The following CHMP3 variants were observed in gnomAD, a reference collection of about 807,000 sequenced individuals.
CHMP3 encodes 25.1 protein.
A neutral mutation model predicts 27.4 loss-of-function variants in CHMP3; 8 were observed. The ratio of observed to expected loss-of-function variants is 0.29; its 90% confidence interval spans 0.17 to 0.53. The LOEUF (loss-of-function observed/expected upper bound fraction) is 0.53. CHMP3 is among the 20% of genes least tolerant of loss of function. The probability of loss-of-function intolerance (pLI) is 0.96; values close to 1 mark genes in which losing one functional copy is unlikely to be tolerated. For synonymous variants in CHMP3, 86 were observed against 85.5 expected (o/e 1.01, Z -0.03); for missense variants, 208 against 271.5 (o/e 0.77, Z 1.64).
chr2:86,508,484 G>A (rs540702965), intron 4 of CHMP3, among the ~76,000 whole-genome samples: 2 of 152,304 alleles, frequency 1.3e-5, no homozygotes, highest in South Asian at 4.1e-4. Flanking sequence ...AGGTACTGGG[G>A]GTGCTGAGTG....
At chr2:86,510,573 G>T in intron 3 of CHMP3, 94 bp from the exon 4 acceptor site, 1 of 1,523,902 alleles carries the variant, frequency 6.6e-7, no homozygotes, top group Non-Finnish European at 8.8e-7. Context: ...GACAGCAGTA[G>T]CAGATGGACT....
intron 5 of CHMP3, among the ~76,000 whole-genome samples, chr2:86,506,786 T>C (rs1674906275): frequency 6.6e-6 from 1 of 152,048 alleles, no homozygotes; most frequent in Admixed American, 6.6e-5. Flanking sequence ...AATTTTTATA[T>C]TTTTTGTAGA....
chr2:86,558,506 C>A (rs755409599), intron 1 of CHMP3, among the ~76,000 whole-genome samples: 8 of 152,226 alleles, frequency 5.3e-5, no homozygotes, highest in Non-Finnish European at 1.0e-4. Context: ...TTAGCACCCA[C>A]TGCACGCTGC....
intron 2 of CHMP3, among the ~76,000 whole-genome samples, chr2:86,538,853 A>G (rs1676246455): frequency 1.3e-5 from 2 of 152,162 alleles, no homozygotes; most frequent in African/African-American, 4.8e-5. Context: ...TTTTTCTTTA[A>G]CTTGTTATTT....
At chr2:86,527,624 A>C (rs959686799) in intron 3 of CHMP3, among the ~76,000 whole-genome samples, 2 of 152,188 alleles carry the variant, frequency 1.3e-5, no homozygotes, top group Admixed American at 1.3e-4. Flanking sequence ...GTATTTCAAG[A>C]GCCTAAAATC....
At chr2:86,555,899 A>G (rs1019202770) in intron 1 of CHMP3, among the ~76,000 whole-genome samples, 4 of 152,190 alleles carry the variant, frequency 2.6e-5, no homozygotes, top group East Asian at 1.9e-4. Flanking sequence ...AAGGAACATA[A>G]ATAGGTTCCA....
chr2:86,506,080 G>A, intron 5 of CHMP3, 131 bp from the exon 6 acceptor site: 9 of 1,123,226 alleles, frequency 8.0e-6, no homozygotes, highest in Non-Finnish European at 9.2e-6. Context: ...TGTTTTTGGG[G>A]GGGTTTACTC....
chr2:86,509,147 C>G (rs919018678), intron 4 of CHMP3, among the ~76,000 whole-genome samples: 2 of 152,174 alleles, frequency 1.3e-5, no homozygotes, highest in African/African-American at 4.8e-5. Flanking sequence ...CTGTATTACT[C>G]CCAGTATTCA....
chr2:86,522,860 T>C (rs1573254789), intron 3 of CHMP3, among the ~76,000 whole-genome samples: 1 of 152,296 alleles, frequency 6.6e-6, no homozygotes, highest in East Asian at 1.9e-4. Context: ...GAACTCTGAC[T>C]CCAACTTACC....
At chr2:86,536,389 C>G (rs1676143209) in intron 2 of CHMP3, among the ~76,000 whole-genome samples, 1 of 152,154 alleles carries the variant, frequency 6.6e-6, no homozygotes, top group Non-Finnish European at 1.5e-5. Context: ...CCTTTCATTT[C>G]AACCTGAAGG....
chr2:86,563,123 C>T (rs572664917), intron 1 of CHMP3, 181 bp downstream of exon 1: 236 of 635,464 alleles, frequency 3.7e-4, no homozygotes, highest in Non-Finnish European at 3.6e-4. Flanking sequence ...CAGGAGCTCT[C>T]GCGTCCCACA....
intron 2 of CHMP3, among the ~76,000 whole-genome samples, chr2:86,540,132 A>G (rs1427982936): frequency 6.6e-6 from 1 of 151,890 alleles, no homozygotes; most frequent in Non-Finnish European, 1.5e-5. Context: ...GTTTTCAGTA[A>G]TCTTTTTGGT....
rs760712170 is a variant in CHMP3 at position 86,542,308 on chromosome 2, T to G, written c.50A>C (p.Asn17Thr). 1.2e-6 allele frequency: 2 copies of G among 1,613,320 alleles called. No individual in the cohort carries two copies. The highest frequency in any genetic ancestry group is 2.7e-5 in the African/African-American group (2 of 74,912). ...TQEKPPKELV[N>T]EWSLKIRKEM... Reference sequence around the variant, plus strand: ...CTTTCTTATCTTCAATGACCACTCATTGACCTGGGAAAATTTTTAGAAAAG... The same window carrying G: ...CTTTCTTATCTTCAATGACCACTCAGTGACCTGGGAAAATTTTTAGAAAAG... Residue 17 changes from asparagine (N) to threonine (T), a missense_variant, in exon 2 of 6, where the codon AAT becomes ACT. Asn to Thr is a moderately conservative substitution (Grantham distance 65). Transcript: ENST00000263856.
At chr2:86,541,514 T>C (rs1676359625) in intron 2 of CHMP3, 1 of 152,200 alleles carries the variant, frequency 6.6e-6, no homozygotes, top group South Asian at 2.1e-4. Context: ...CCATGGGCTA[T>C]AATCCAGAAA....
intron 3 of CHMP3, among the ~76,000 whole-genome samples, chr2:86,519,614 A>T (rs941160090): frequency 6.6e-6 from 1 of 152,200 alleles, no homozygotes; most frequent in African/African-American, 2.4e-5. Flanking sequence ...GAAAATAAAC[A>T]TTCATACAGT....
chr2:86,562,498 C>A (rs765910249), intron 1 of CHMP3, among the ~76,000 whole-genome samples: 5 of 152,180 alleles, frequency 3.3e-5, no homozygotes, highest in African/African-American at 7.2e-5. Context: ...GCCCTAACTA[C>A]CAATATGAAA....
chr2:86,549,613 G>T (rs1273443974), intron 1 of CHMP3, among the ~76,000 whole-genome samples: 1 of 150,024 alleles, frequency 6.7e-6, no homozygotes, highest in Non-Finnish European at 1.5e-5. Context: ...CGGCCGGGAA[G>T]AGGCACTCCT....
chr2:86,507,201 T>C, intron 5 of CHMP3: 1 of 274,638 alleles, frequency 3.6e-6, no homozygotes, highest in Non-Finnish European at 7.0e-6. Flanking sequence ...CCAAATTGCT[T>C]TCAAGAAAGT....
intron 5 of CHMP3, chr2:86,507,189 G>C (rs1674920612): frequency 7.5e-6 from 2 of 265,914 alleles, no homozygotes; most frequent in Non-Finnish European, 1.5e-5. Context: ...GAATGGCTAT[G>C]GCCAAATTGC....
Sources: gnomAD v4.1 joint callset for allele counts (sites outside exome capture counted in the v4.1 genomes callset) on GRCh38, gnomAD v4.1.1 for gene constraint, MANE v1.5 for transcripts, NCBI Gene and HGNC (gene_info 2026-07-23, HGNC 2026-07-21) for gene names.